The following CD109 variants were observed in gnomAD, a reference collection of about 807,000 sequenced individuals.
The protein encoded by CD109 is CD109 antigen.
Under a neutral mutation model 165.8 loss-of-function variants are expected in CD109, and 149 were observed. The observed-to-expected ratio is 0.90, with a 90% CI of 0.79 to 1.03. The LOEUF (loss-of-function observed/expected upper bound fraction) is 1.03, where lower values mean the gene tolerates loss of function less well. CD109 is among the 50% of genes least tolerant of loss of function. CD109 has a pLI of 0.00. For synonymous variants in CD109, 585 were observed against 592.1 expected, an observed-to-expected ratio of 0.99 and a Z score of 0.18; for missense variants, 1,712 against 1,677.8, an observed-to-expected ratio of 1.02 and a Z score of -0.36.
chr6:73,739,067 A>T (rs1562039725), intron 5 of CD109, among the ~76,000 whole-genome samples: 1 of 152,208 alleles, frequency 6.6e-6, no homozygotes, highest in African/African-American at 2.4e-5. Context: ...GTGCTTTTGC[A>T]TGTAAGTAGA....
intron 15 of CD109, among the ~76,000 whole-genome samples, chr6:73,772,715 T>C (rs1184864642): frequency 6.6e-6 from 1 of 152,024 alleles, no homozygotes; most frequent in Non-Finnish European, 1.5e-5. Context: ...CCATTGTCAG[T>C]TGTAAACTAG....
intron 2 of CD109, among the ~76,000 whole-genome samples, chr6:73,698,483 C>T (rs1165574838): frequency 2.0e-5 from 3 of 151,652 alleles, no homozygotes; most frequent in African/African-American, 7.3e-5. Context: ...CTGCTCCTGG[C>T]CGAGACATAC....
chr6:73,704,221 CA>C (rs1771182126), intron 2 of CD109, among the ~76,000 whole-genome samples: 1 of 151,954 alleles, frequency 6.6e-6, no homozygotes. Flanking sequence ...TATGTTCCAC[CA>C]TGACCACAGG....
intron 22 of CD109, among the ~76,000 whole-genome samples, chr6:73,790,681 C>T (rs1198789819): frequency 6.6e-6 from 1 of 152,096 alleles, no homozygotes; most frequent in Non-Finnish European, 1.5e-5. Flanking sequence ...TGTCTGAGCT[C>T]AAGTAGTGAG....
chr6:73,798,108 C>CT (rs1314148149), intron 23 of CD109, among the ~76,000 whole-genome samples: 10 of 111,170 alleles, frequency 9.0e-5, no homozygotes, highest in Non-Finnish European at 1.8e-4. Context: ...CATCAGTGTC[C>CT]TGTTTTTTTT....
Position 73,788,469 on chromosome 6 carries a change from C to G in CD109, c.2558C>G (p.Ala853Gly). 2 of 1,608,502 alleles carry G rather than the reference C, an allele frequency of 1.2e-6. No homozygotes were observed. The highest frequency in any genetic ancestry group is 1.7e-6 in the Non-Finnish European group (2 of 1,178,538). The stretch of plus-strand genomic sequence containing the variant: ...AATTGTGTTCATTTTTTTCAACAGG[C>G]TGAAGGAATAGAAAAATCATATTCA... Reference protein sequence around the residue: ...DAVTQMILVKAEGIEKSYSQS... With the variant: ...DAVTQMILVKGEGIEKSYSQS... The change falls in exon 22 of 33, where the codon GCT (alanine) becomes GGT (glycine). Residue 853 changes from alanine to glycine, a missense_variant and splice_region_variant. By Grantham distance (60) the Ala-to-Gly change is moderately conservative (BLOSUM62 0). Transcript: ENST00000287097.
intron 23 of CD109, 44 bp downstream of exon 23, chr6:73,792,846 G>C: frequency 6.7e-7 from 1 of 1,499,184 alleles, no homozygotes; most frequent in Non-Finnish European, 9.0e-7. Flanking sequence ...AAAAAAATTT[G>C]TTTTTTTCAG....
chr6:73,681,324 T>TTGTGTGTGTGTGTGTGTGTG, the CD109 span, among the ~76,000 whole-genome samples: 1 of 145,568 alleles, frequency 6.9e-6, no homozygotes, highest in Non-Finnish European at 1.5e-5. Flanking sequence ...CAGTTACCAT[T>TTGTGTGTGTGTGTGTGTGTG]TGTGTGTGTG....
intron 28 of CD109, 34 bp downstream of exon 28, chr6:73,811,181 G>A (rs763684731): frequency 3.1e-6 from 5 of 1,596,000 alleles, no homozygotes; most frequent in Non-Finnish European, 3.4e-6. Context: ...AAAAATCAGT[G>A]TAGACAATTC....
chr6:73,806,354 A>G (rs1221591297), intron 24 of CD109, among the ~76,000 whole-genome samples: 2 of 144,046 alleles, frequency 1.4e-5, no homozygotes, highest in Admixed American at 7.1e-5. Flanking sequence ...ACACACCGGG[A>G]CCTGTTGTGG....
chr6:73,814,992 A>G lies in CD109; in HGVS notation c.3780A>G (p.Val1260=). 2 of 1,553,758 alleles carry G rather than the reference A, an allele frequency of 1.3e-6. No individual in the cohort carries two copies. The highest frequency in any genetic ancestry group is 1.4e-5 in the African/African-American group (1 of 70,762). Residue 1260 remains valine (V), a synonymous_variant, in exon 30 of 33, where the codon GTA becomes GTG. Transcript: ENST00000287097. ...FGFAICQLNV[V]YNVKASGSSR... is the part of the protein sequence containing the mutation. ...TTTATTTTTTACAGCTCAATGTTGT[A>G]TATAATGTGAAGGCTTCTGGGTCTT... is the stretch of plus-strand genomic sequence containing the variant.
intron 24 of CD109, among the ~76,000 whole-genome samples, chr6:73,806,420 G>A (rs566801988): frequency 8.5e-5 from 13 of 152,158 alleles, no homozygotes; most frequent in East Asian, 7.7e-4. Context: ...TAAATGACGC[G>A]TTAATGGGTG....
intron 14 of CD109, among the ~76,000 whole-genome samples, chr6:73,769,161 A>T (rs111569234): frequency 0.039 from 5,908 of 152,224 alleles, 386 homozygotes; most frequent in African/African-American, 0.13. Flanking sequence ...AGGTGCCGGG[A>T]TTACAGACAT....
At chr6:73,809,596 A>G (rs1174244046) in intron 26 of CD109, among the ~76,000 whole-genome samples, 4 of 152,122 alleles carry the variant, frequency 2.6e-5, no homozygotes, top group East Asian at 1.9e-4. Flanking sequence ...AAATGCTCCA[A>G]TGAGCATTTC....
At chr6:73,680,772 C>T in the CD109 span, among the ~76,000 whole-genome samples, 25 of 152,314 alleles carry the variant, frequency 1.6e-4, no homozygotes, top group South Asian at 2.5e-3. Context: ...GTGCTTTCTA[C>T]CTCTCATTCC....
chr6:73,800,319 T>G (rs984140598), intron 23 of CD109, among the ~76,000 whole-genome samples: 1 of 152,192 alleles, frequency 6.6e-6, no homozygotes, highest in African/African-American at 2.4e-5. Flanking sequence ...CTGTCATGTG[T>G]GTGTACCATA....
In CD109 at chr6:73,756,636, C is replaced by T; in HGVS notation, c.634-7C>T. 2.0e-6 allele frequency: 3 copies of T among 1,537,142 alleles called. No individual in the cohort carries two copies. Among genetic ancestry groups the T allele is most frequent in the Non-Finnish European group, 2.6e-6 (3 of 1,140,516 alleles). On this transcript the variant is annotated splice_polypyrimidine_tract_variant and splice_region_variant and intron_variant, in intron 5 of 32. Transcript: ENST00000287097. ...TTCCTGTCTTTTTTTTCTCCCCTGC[C>T]CAATAGGACCAGACATACTATCAAT...
chr6:73,699,386 A>G (rs1770974026), intron 2 of CD109, among the ~76,000 whole-genome samples: 1 of 152,222 alleles, frequency 6.6e-6, no homozygotes, highest in Non-Finnish European at 1.5e-5. Context: ...AGAATTTATA[A>G]TATTGGCTCC....
intron 32 of CD109, among the ~76,000 whole-genome samples, chr6:73,821,226 G>A (rs1454568516): frequency 1.3e-5 from 2 of 152,122 alleles, no homozygotes; most frequent in Non-Finnish European, 2.9e-5. Context: ...GTTAACGGGT[G>A]CAGCACACCA....
Sources: allele counts gnomAD v4.1 joint callset (sites outside exome capture counted in the v4.1 genomes callset), GRCh38; gene constraint gnomAD v4.1.1; transcripts MANE v1.5; gene names NCBI Gene and HGNC (gene_info 2026-07-23, HGNC 2026-07-21).